The following DHX30 variants were observed in gnomAD, a reference collection of about 807,000 sequenced individuals.
DHX30 encodes the protein DExH-box helicase 30.
In DHX30, 4 loss-of-function variants were observed where a neutral mutation model predicts 116.9. That is an observed-to-expected ratio of 0.03 (90% CI 0.02 to 0.08). DHX30 has a LOEUF of 0.08. Ranked by LOEUF, DHX30 falls within the 10% of genes least tolerant of loss-of-function variation. The probability of loss-of-function intolerance (pLI) is 1.00; values close to 1 mark genes in which losing one functional copy is unlikely to be tolerated. For synonymous variants in DHX30, 697 were observed against 651.7 expected, an observed-to-expected ratio of 1.07 and a Z score of -1.06; for missense variants, 871 against 1,595.1, an observed-to-expected ratio of 0.55 and a Z score of 7.73.
intron 6 of DHX30, among the ~76,000 whole-genome samples, chr3:47,831,924 C>CT (rs1448275730): frequency 0.52 from 61,088 of 118,262 alleles, 16,948 homozygotes; most frequent in East Asian, 0.63. Flanking sequence ...AGGCCTTTTC[C>CT]TTTTTCTTTT....
chr3:47,815,216 A>G (rs1168623165), intron 3 of DHX30, among the ~76,000 whole-genome samples: 2 of 152,198 alleles, frequency 1.3e-5, no homozygotes, highest in Non-Finnish European at 2.9e-5. Flanking sequence ...CCTACCTGCT[A>G]TCTTCAGGAC....
chr3:47,824,910 G>A (rs1576481407), intron 4 of DHX30: 1 of 479,802 alleles, frequency 2.1e-6, no homozygotes, highest in South Asian at 3.4e-5. Context: ...ACGGGCTGCT[G>A]ATGCCCTCGC....
chr3:47,831,924 C>CTTTTTTTTTTTTT (rs1448275730), intron 6 of DHX30, among the ~76,000 whole-genome samples: 3 of 120,380 alleles, frequency 2.5e-5, no homozygotes, highest in Admixed American at 9.2e-5. Context: ...AGGCCTTTTC[C>CTTTTTTTTTTTTT]TTTTTCTTTT....
At position 47,848,643 on chromosome 3, in the gene DHX30, G is replaced by A; in HGVS notation, c.2595G>A (p.Glu865=). The A allele has an allele frequency of 1.2e-6, 2 of 1,614,086 alleles. No individual in the cohort carries two copies. The highest frequency in any genetic ancestry group is 1.7e-6 in the Non-Finnish European group (2 of 1,179,976). Reference sequence around the variant, plus strand: ...TTGCAGGGGTGCTGGACCAGCGGGAGTACCTGACTACCCTGGGGCAGCGCC... The same window carrying A: ...TTGCAGGGGTGCTGGACCAGCGGGAATACCTGACTACCCTGGGGCAGCGCC... ...LQEIGVLDQR[E]YLTTLGQRLA... is the part of the protein sequence containing the mutation. Residue 865 remains glutamate, a synonymous_variant, in exon 17 of 22, where the codon GAG becomes GAA. Transcript: ENST00000445061. This position sits in a 1 kb window ranked among gnomAD's most constrained non-coding sequence, Gnocchi z 9.4.
chr3:47,828,985 G>T, intron 5 of DHX30, 39 bp from the exon 6 acceptor site: 1 of 1,301,696 alleles, frequency 7.7e-7, no homozygotes, highest in South Asian at 1.2e-5. Context: ...CTCTAGTCTG[G>T]AGTGGCAAGA....
intron 8 of DHX30, 133 bp from the exon 9 acceptor site, chr3:47,842,973 A>G (rs953826632): frequency 2.5e-5 from 29 of 1,148,726 alleles, no homozygotes; most frequent in Non-Finnish European, 1.4e-5. Context: ...CAGCACCTCT[A>G]GCATGGCTCA....
chr3:47,847,754 A>T lies in DHX30; in HGVS notation c.2111-27A>T. ...GGGAATTCTGGTGGAAGCAGTGCCC[A>T]TAACTGGTGTGTGTCTTGCCCACCA... is the stretch of plus-strand genomic sequence containing the variant. On this transcript the variant is annotated intron_variant, in intron 13 of 21. Coordinates refer to ENST00000445061, the MANE Select transcript of DHX30 (RefSeq NM_138615.3). The surrounding 1 kb of genome is among the most constrained non-coding windows in gnomAD (Gnocchi z 5.5). 6.2e-7 allele frequency: 1 copy of T among 1,605,716 alleles called. No homozygotes were observed. The highest frequency in any genetic ancestry group is 8.5e-7 in the Non-Finnish European group (1 of 1,174,526).
chr3:47,846,406 A>G lies in DHX30; in HGVS notation c.1334A>G (p.Asn445Ser), dbSNP rs2107133781. The change falls in exon 11 of 22, where the codon AAC (asparagine) becomes AGC (serine). Residue 445 changes from asparagine (N) to serine (S), a missense_variant. Asn to Ser is a conservative substitution (Grantham distance 46). Coordinates refer to ENST00000445061, the MANE Select transcript of DHX30 (RefSeq NM_138615.3). ...PVDPHRDTIL[N>S]AIEQHPVVVI... ...GACCCACATCGGGACACCATCCTCA[A>G]CGCCATTGAGCAGCACCCGGTGGTG... is the stretch of plus-strand genomic sequence containing the variant. 1 of 1,614,082 alleles carries G rather than the reference A, an allele frequency of 6.2e-7. No individual in the cohort carries two copies. Among genetic ancestry groups the G allele is most frequent in the Non-Finnish European group, 8.5e-7 (1 of 1,180,020 alleles).
chr3:47,828,198 G>A lies in DHX30; in HGVS notation c.255+721G>A, dbSNP rs181426942. Among the ~76,000 whole-genome samples the A allele has an allele frequency of 1.9e-4, 29 of 151,986 alleles. 1 individual carries two copies. In the South Asian group the frequency reaches 2.7e-3, roughly 14 times the overall value. ...ATGGGGCCTGGTTGTGGTGGTTCGT[G>A]CCTGTAATCCCAGCACTTTAGGAGG... On this transcript the variant is annotated intron_variant, in intron 5 of 21. Transcript: ENST00000445061.
intron 3 of DHX30, among the ~76,000 whole-genome samples, chr3:47,814,635 C>T (rs534458699): frequency 7.9e-5 from 12 of 151,762 alleles, no homozygotes; most frequent in Middle Eastern, 3.4e-3. Context: ...ATTTTTCTGC[C>T]TCAGCCTCCC....
chr3:47,821,296 G>A (rs974307482), intron 4 of DHX30, among the ~76,000 whole-genome samples: 8 of 150,732 alleles, frequency 5.3e-5, no homozygotes, highest in East Asian at 2.0e-4. Context: ...ATGGAGTTTC[G>A]CTCTTGTTGC....
chr3:47,840,532 A>C (rs938956132), intron 6 of DHX30, among the ~76,000 whole-genome samples: 1 of 151,680 alleles, frequency 6.6e-6, no homozygotes, highest in African/African-American at 2.4e-5. Flanking sequence ...GTTACTTTGG[A>C]AGTTGAGGTG....
chr3:47,809,215 T>C (rs1576458709), intron 2 of DHX30, among the ~76,000 whole-genome samples: 1 of 149,054 alleles, frequency 6.7e-6, no homozygotes, highest in Non-Finnish European at 1.5e-5. Flanking sequence ...GGATAGAAGG[T>C]GTCTATGGAA....
chr3:47,810,550 C>T, intron 2 of DHX30, 107 bp from the exon 3 acceptor site: 1 of 905,630 alleles, frequency 1.1e-6, no homozygotes. Flanking sequence ...TGAAGAGTTT[C>T]ATTTTTTTCA....
chr3:47,814,890 A>AT (rs879392900), intron 3 of DHX30, among the ~76,000 whole-genome samples: 145 of 145,112 alleles, frequency 1.0e-3, no homozygotes, highest in Middle Eastern at 3.5e-3. Flanking sequence ...TAAAAAAATA[A>AT]TTTTTTTTTT....
In DHX30 at chr3:47,841,656, T is replaced by A; in HGVS notation, c.708T>A (p.Ile236=). The A allele has an allele frequency of 6.2e-7, 1 of 1,614,228 alleles. No individual in the cohort carries two copies. The highest frequency in any genetic ancestry group is 8.5e-7 in the Non-Finnish European group (1 of 1,180,040). The change falls in exon 8 of 22, where the codon ATT becomes ATA. Residue 236 remains isoleucine (I), a synonymous_variant. Transcript: ENST00000445061. ...AGATGACAGATGACGACAGTGCCAT[T>A]AGGGCTCTGACCCAGTTTCCACTTC... is the stretch of plus-strand genomic sequence containing the variant. ...SFEMTDDDSA[I]RALTQFPLPK... is the part of the protein sequence containing the mutation.
chr3:47,822,798 T>C (rs2036355915), intron 4 of DHX30, among the ~76,000 whole-genome samples: 2 of 138,202 alleles, frequency 1.4e-5, no homozygotes, highest in Non-Finnish European at 3.1e-5. Context: ...AAAATAAACA[T>C]AAAAAATAAG....
At chr3:47,849,126 T>C in intron 18 of DHX30, 47 bp downstream of exon 18, 1 of 1,611,990 alleles carries the variant, frequency 6.2e-7, no homozygotes, top group Non-Finnish European at 8.5e-7. Context: ...CCACCCCCAC[T>C]GAGTTTCTGT....
At chr3:47,811,402 T>G (rs952784742) in intron 3 of DHX30, among the ~76,000 whole-genome samples, 4 of 152,220 alleles carry the variant, frequency 2.6e-5, no homozygotes, top group Non-Finnish European at 5.9e-5. Context: ...AATTAATCAT[T>G]TTGTCACTAG....
Sources: allele counts gnomAD v4.1 joint callset (sites outside exome capture counted in the v4.1 genomes callset), GRCh38; gene constraint gnomAD v4.1.1; non-coding constraint Gnocchi (gnomAD v3.1); transcripts MANE v1.5; gene names NCBI Gene and HGNC (gene_info 2026-07-23, HGNC 2026-07-21).